DPP6: variants seen among roughly 807,000 people sequenced by gnomAD.
DPP6 encodes the protein A-type potassium channel modulatory protein DPP6.
Under a neutral mutation model 122.6 loss-of-function variants are expected in DPP6, and 69 were observed. The ratio of observed to expected loss-of-function variants is 0.56; its 90% confidence interval spans 0.46 to 0.69. The LOEUF (loss-of-function observed/expected upper bound fraction) is 0.69. Among genes scored for constraint, DPP6 ranks in the 30% least tolerant of loss-of-function variants. The pLI is 0.00. For missense variants in DPP6, 928 were observed against 1,116.9 expected (o/e 0.83, Z 2.41); for synonymous variants, 418 against 433.1 (o/e 0.97, Z 0.43).
chr7:154,230,133 G>A (rs940839464), intron 1 of DPP6, among the ~76,000 whole-genome samples: 12 of 151,802 alleles, frequency 7.9e-5, no homozygotes, highest in African/African-American at 1.9e-4. Flanking sequence ...ACCCTCCTCC[G>A]CACCCTCCTC....
At chr7:154,750,300 C>A (rs1843312507) in intron 8 of DPP6, among the ~76,000 whole-genome samples, 1 of 152,198 alleles carries the variant, frequency 6.6e-6, no homozygotes, top group Admixed American at 6.5e-5. Flanking sequence ...GAAGTGTAGA[C>A]ATGATGTCTA....
intron 21 of DPP6, among the ~76,000 whole-genome samples, chr7:154,882,615 G>A (rs985037030): frequency 2.0e-5 from 3 of 152,146 alleles, no homozygotes; most frequent in Admixed American, 1.3e-4. Context: ...GCACCCAGAG[G>A]TGACCTGGAG....
intron 1 of DPP6, among the ~76,000 whole-genome samples, chr7:154,000,118 G>A (rs565899527): frequency 6.5e-4 from 96 of 148,250 alleles, no homozygotes; most frequent in Non-Finnish European, 1.5e-4. Flanking sequence ...AATAGGTTCC[G>A]GGCATGATAA....
At chr7:154,178,314 C>T (rs1797907323) in intron 1 of DPP6, among the ~76,000 whole-genome samples, 1 of 151,996 alleles carries the variant, frequency 6.6e-6, no homozygotes, top group South Asian at 2.1e-4. Context: ...CTGAAATAAC[C>T]AAGGCCTCCA....
At chr7:154,756,222 G>A (rs59375119) in intron 8 of DPP6, among the ~76,000 whole-genome samples, 2,360 of 152,232 alleles carry the variant, frequency 0.016, 59 homozygotes, top group African/African-American at 0.053. Context: ...CAGAGGCCTG[G>A]GCTCACCAGG....
the DPP6 span, among the ~76,000 whole-genome samples, chr7:153,812,398 T>C: frequency 6.6e-6 from 1 of 152,104 alleles, no homozygotes; most frequent in Non-Finnish European, 1.5e-5. Context: ...CCCAGGCAAT[T>C]CACTACAACC....
At chr7:154,316,924 C>T (rs113167244) in intron 1 of DPP6, among the ~76,000 whole-genome samples, 3 of 152,154 alleles carry the variant, frequency 2.0e-5, no homozygotes, top group East Asian at 1.9e-4. Flanking sequence ...AGGTAGGCAG[C>T]GTTGGACAAG....
At chr7:154,552,903 T>G (rs1055108729) in intron 4 of DPP6, among the ~76,000 whole-genome samples, 1 of 152,094 alleles carries the variant, frequency 6.6e-6, no homozygotes, top group Non-Finnish European at 1.5e-5. Context: ...CAGAAACAGA[T>G]CAGCATTTTT....
At chr7:153,907,250 A>T (rs1799888939) in intron 1 of DPP6, among the ~76,000 whole-genome samples, 2 of 152,082 alleles carry the variant, frequency 1.3e-5, no homozygotes, top group African/African-American at 2.4e-5. Flanking sequence ...TTCTCTGATG[A>T]TGAGTGATGA....
chr7:154,791,363 C>T (rs562228292), intron 10 of DPP6, among the ~76,000 whole-genome samples: 1 of 152,256 alleles, frequency 6.6e-6, no homozygotes, highest in African/African-American at 2.4e-5. Context: ...GGGGAGGCCT[C>T]ACAATCATGG....
chr7:154,178,672 C>G (rs948515985), intron 1 of DPP6, among the ~76,000 whole-genome samples: 4 of 152,190 alleles, frequency 2.6e-5, no homozygotes, highest in Non-Finnish European at 5.9e-5. Context: ...TGCTGAAATA[C>G]ACAGATCACG....
At chr7:154,506,383 A>G (rs1230802670) in intron 3 of DPP6, among the ~76,000 whole-genome samples, 1 of 152,276 alleles carries the variant, frequency 6.6e-6, no homozygotes, top group East Asian at 1.9e-4. Context: ...ATGTGTCTTT[A>G]GAGGGTGACT....
intron 1 of DPP6, among the ~76,000 whole-genome samples, chr7:154,216,901 G>C (rs1051401213): frequency 2.9e-4 from 38 of 132,858 alleles, no homozygotes; most frequent in African/African-American, 1.0e-3. Flanking sequence ...ATCTGATGTA[G>C]AGATTTAACT....
At chr7:154,868,312 T>G (rs1804071906) in intron 18 of DPP6, among the ~76,000 whole-genome samples, 1 of 152,276 alleles carries the variant, frequency 6.6e-6, no homozygotes, top group African/African-American at 2.4e-5. Context: ...AGGATCTCTC[T>G]CCCTGAGAGG....
At chr7:154,087,742 C>G (rs549125856) in intron 1 of DPP6, among the ~76,000 whole-genome samples, 2 of 152,200 alleles carry the variant, frequency 1.3e-5, no homozygotes, top group Non-Finnish European at 2.9e-5. Flanking sequence ...ATTTTATAGC[C>G]CAGTGGTCAA....
the DPP6 span, among the ~76,000 whole-genome samples, chr7:153,811,653 G>A: frequency 1.3e-5 from 2 of 152,010 alleles, no homozygotes; most frequent in Non-Finnish European, 2.9e-5. Flanking sequence ...AAACTTTTGA[G>A]ACCATGAGTC....
At chr7:154,480,392 G>C (rs898247728) in intron 3 of DPP6, among the ~76,000 whole-genome samples, 1 of 152,176 alleles carries the variant, frequency 6.6e-6, no homozygotes, top group African/African-American at 2.4e-5. Context: ...CAAGGTCAGA[G>C]ATGACCTCCA....
chr7:154,182,878 T>C (rs1238684303), intron 1 of DPP6, among the ~76,000 whole-genome samples: 1 of 152,212 alleles, frequency 6.6e-6, no homozygotes, highest in East Asian at 1.9e-4. Flanking sequence ...CTTTGAATAT[T>C]CTCCCAGAAA....
chr7:154,201,197 G>A (rs150064966), intron 1 of DPP6, among the ~76,000 whole-genome samples: 243 of 150,392 alleles, frequency 1.6e-3, no homozygotes, highest in African/African-American at 5.9e-3. Flanking sequence ...GTGCGATCTC[G>A]GCTAACTGCA....
Sources: allele counts gnomAD v4.1 joint callset (sites outside exome capture counted in the v4.1 genomes callset), GRCh38; gene constraint gnomAD v4.1.1; transcripts MANE v1.5; gene names NCBI Gene and HGNC (gene_info 2026-07-23, HGNC 2026-07-21).